Variants in CLNK observed in about 807,000 individuals in gnomAD.
The protein encoded by CLNK is cytokine dependent hematopoietic cell linker.
Under a neutral mutation model 68.6 loss-of-function variants are expected in CLNK, and 74 were observed. That is an observed-to-expected ratio of 1.08 (90% CI 0.89 to 1.31). The LOEUF (loss-of-function observed/expected upper bound fraction) is 1.31. Ranked by LOEUF, CLNK falls within the 50% of genes most tolerant of loss-of-function variation. The probability of loss-of-function intolerance (pLI) is 0.00; values close to 1 mark genes in which losing one functional copy is unlikely to be tolerated. For synonymous variants in CLNK, 198 were observed against 172.2 expected (o/e 1.15, Z -1.17); for missense variants, 553 against 515.3 (o/e 1.07, Z -0.71).
At chr4:10,594,765 C>CATACAT (rs1332033586) in intron 3 of CLNK, among the ~76,000 whole-genome samples, 1 of 152,128 alleles carries the variant, frequency 6.6e-6, no homozygotes, top group Non-Finnish European at 1.5e-5. Context: ...TATACATATA[C>CATACAT]ATACATATAC....
intron 1 of CLNK, among the ~76,000 whole-genome samples, chr4:10,681,098 A>G (rs1470349760): frequency 6.6e-6 from 1 of 152,220 alleles, no homozygotes; most frequent in Non-Finnish European, 1.5e-5. Context: ...TTTTGAAATT[A>G]CACAGCTCTG....
the CLNK span, among the ~76,000 whole-genome samples, chr4:10,728,600 CTTTCTTTT>C: frequency 8.0e-6 from 1 of 125,570 alleles, no homozygotes; most frequent in Non-Finnish European, 1.6e-5. Context: ...TTCTTTCTTT[CTTTCTTTT>C]TTTTTTTTTT....
At chr4:10,718,292 C>T in the CLNK span, among the ~76,000 whole-genome samples, 8 of 152,184 alleles carry the variant, frequency 5.3e-5, no homozygotes, top group East Asian at 1.5e-3. Flanking sequence ...TTTGTAAATA[C>T]ATAAATCCAC....
intron 2 of CLNK, among the ~76,000 whole-genome samples, chr4:10,609,270 T>C (rs1721913629): frequency 1.3e-5 from 2 of 152,216 alleles, no homozygotes; most frequent in East Asian, 1.9e-4. Flanking sequence ...TCTGGCCCTA[T>C]TTTCCCTTGG....
chr4:10,515,112 C>T (rs1406043646), intron 15 of CLNK, among the ~76,000 whole-genome samples: 2 of 152,096 alleles, frequency 1.3e-5, no homozygotes, highest in Non-Finnish European at 2.9e-5. Context: ...GTGGCGTGCT[C>T]CTGTAATCCC....
chr4:10,552,931 T>A (rs1719517981), intron 8 of CLNK, among the ~76,000 whole-genome samples: 1 of 152,162 alleles, frequency 6.6e-6, no homozygotes, highest in South Asian at 2.1e-4. Flanking sequence ...TTCATGTTTA[T>A]TATTAATGGC....
chr4:10,529,187 G>T (rs533056555), intron 12 of CLNK, among the ~76,000 whole-genome samples: 99 of 152,198 alleles, frequency 6.5e-4, no homozygotes, highest in Admixed American at 3.3e-3. Flanking sequence ...GGCCTGATGG[G>T]GTCCATGAAC....
intron 2 of CLNK, among the ~76,000 whole-genome samples, chr4:10,609,749 G>C (rs1381884673): frequency 6.6e-6 from 1 of 152,220 alleles, no homozygotes; most frequent in Non-Finnish European, 1.5e-5. Context: ...TTTGATTTTA[G>C]CTCCTTCTTT....
At chr4:10,573,116 A>T (rs1720413791) in intron 4 of CLNK, among the ~76,000 whole-genome samples, 1 of 152,210 alleles carries the variant, frequency 6.6e-6, no homozygotes. Flanking sequence ...GGTATGAGCC[A>T]TGGCACCTGG....
the CLNK span, among the ~76,000 whole-genome samples, chr4:10,708,287 T>C: frequency 1.3e-5 from 2 of 152,242 alleles, no homozygotes; most frequent in Non-Finnish European, 2.9e-5. Context: ...TGGATAATAA[T>C]ATAAAAACTA....
At chr4:10,678,225 C>A (rs2108901333) in intron 1 of CLNK, among the ~76,000 whole-genome samples, 1 of 152,328 alleles carries the variant, frequency 6.6e-6, no homozygotes, top group East Asian at 1.9e-4. Context: ...CAACTTGAGT[C>A]TCAGCTTCTC....
intron 14 of CLNK, among the ~76,000 whole-genome samples, chr4:10,522,696 C>G (rs923747622): frequency 6.6e-6 from 1 of 152,164 alleles, no homozygotes; most frequent in Non-Finnish European, 1.5e-5. Flanking sequence ...AAGACATGGC[C>G]TCTGCCTGAA....
At chr4:10,573,186 T>G (rs1313823947) in intron 4 of CLNK, among the ~76,000 whole-genome samples, 4 of 152,188 alleles carry the variant, frequency 2.6e-5, no homozygotes, top group African/African-American at 9.6e-5. Flanking sequence ...TACCAAAATA[T>G]GAAATAAAGA....
intron 8 of CLNK, among the ~76,000 whole-genome samples, chr4:10,552,094 G>C (rs1197751851): frequency 6.6e-6 from 1 of 152,006 alleles, no homozygotes; most frequent in African/African-American, 2.4e-5. Flanking sequence ...CTGACCTCCT[G>C]ATCTGCCCAC....
chr4:10,636,242 G>A (rs758060147), intron 2 of CLNK, among the ~76,000 whole-genome samples: 2 of 152,156 alleles, frequency 1.3e-5, no homozygotes, highest in Non-Finnish European at 2.9e-5. Flanking sequence ...GGAGTAGGGT[G>A]GGTCTTTAAT....
intron 4 of CLNK, among the ~76,000 whole-genome samples, chr4:10,572,090 C>T (rs891312778): frequency 2.6e-5 from 4 of 152,200 alleles, no homozygotes; most frequent in African/African-American, 4.8e-5. Context: ...ATGAGAAGAT[C>T]TCTCACAGCA....
intron 2 of CLNK, among the ~76,000 whole-genome samples, chr4:10,606,945 G>A (rs1389831382): frequency 1.3e-5 from 2 of 152,218 alleles, no homozygotes; most frequent in Non-Finnish European, 2.9e-5. Context: ...TGCGGGTACT[G>A]CCCTGGGTGA....
At chr4:10,555,859 A>G (rs1719655459) in intron 8 of CLNK, among the ~76,000 whole-genome samples, 1 of 152,250 alleles carries the variant, frequency 6.6e-6, no homozygotes, top group Non-Finnish European at 1.5e-5. Context: ...GGGGGCATTC[A>G]TATTAATTTC....
At chr4:10,547,189 G>T (rs906145928) in intron 8 of CLNK, among the ~76,000 whole-genome samples, 2 of 152,216 alleles carry the variant, frequency 1.3e-5, no homozygotes, top group African/African-American at 2.4e-5. Context: ...TGAGCACGAG[G>T]AGGAGGTAAG....
Sources: allele counts gnomAD v4.1 joint callset (sites outside exome capture counted in the v4.1 genomes callset), GRCh38; gene constraint gnomAD v4.1.1; transcripts MANE v1.5; gene names NCBI Gene and HGNC (gene_info 2026-07-23, HGNC 2026-07-21).